ANKRD36: variants seen among roughly 807,000 people sequenced by gnomAD.
ANKRD36 encodes ankyrin repeat domain 36.
In ANKRD36, 179 loss-of-function variants were observed where a neutral mutation model predicts 278.1. The ratio of observed to expected loss-of-function variants is 0.64; its 90% confidence interval spans 0.57 to 0.73. ANKRD36 has a LOEUF of 0.73. ANKRD36 is among the 30% of genes least tolerant of loss of function. ANKRD36 has a pLI of 0.00. For synonymous variants in ANKRD36, 320 were observed against 641.1 expected, an observed-to-expected ratio of 0.50 and a Z score of 7.57; for missense variants, 1,159 against 1,956.7, an observed-to-expected ratio of 0.59 and a Z score of 7.69.
At chr2:97,263,011 C>T (rs1340236615) in intron 75 of ANKRD36, among the ~76,000 whole-genome samples, 1 of 141,770 alleles carries the variant, frequency 7.1e-6, no homozygotes, top group African/African-American at 2.5e-5. Context: ...TTGCTCTTTT[C>T]TGTGTTATTC....
intron 52 of ANKRD36, among the ~76,000 whole-genome samples, chr2:97,207,149 T>G (rs1289695072): frequency 1.3e-5 from 2 of 151,476 alleles, no homozygotes; most frequent in Non-Finnish European, 3.0e-5. Context: ...TTATCCTTTG[T>G]TGCCATGACT....
intron 14 of ANKRD36, among the ~76,000 whole-genome samples, chr2:97,153,415 G>C (rs1272853647): frequency 6.6e-6 from 1 of 152,264 alleles, no homozygotes; most frequent in Non-Finnish European, 1.5e-5. Flanking sequence ...TTTTCCTATA[G>C]ACAAAATCAG....
At position 97,149,326 on chromosome 2, in the gene ANKRD36, C is replaced by G. The variant is rs1480481483; in HGVS notation, c.1066C>G (p.Pro356Ala). ...SLYRPDAVAQ[P>A]VTENEFSLES... Reference sequence around the variant, plus strand: ...CTACAGACCTGATGCTGTTGCACAGCCTGTGACAGAGAATGAGTTTTCTTT... The same window carrying G: ...CTACAGACCTGATGCTGTTGCACAGGCTGTGACAGAGAATGAGTTTTCTTT... Residue 356 changes from proline (P) to alanine (A), a missense_variant, in exon 12 of 76, where the codon CCT (proline) becomes GCT (alanine). Physicochemically the swap from Pro to Ala is conservative, Grantham distance 27. Transcript: ENST00000420699. The G allele has an allele frequency of 2.0e-6, 3 of 1,533,694 alleles. No homozygotes were observed. The highest frequency in any genetic ancestry group is 2.6e-6 in the Non-Finnish European group (3 of 1,145,452).
At chr2:97,205,694 T>G (rs2062651985) in intron 50 of ANKRD36, among the ~76,000 whole-genome samples, 1 of 151,472 alleles carries the variant, frequency 6.6e-6, no homozygotes, top group Non-Finnish European at 1.5e-5. Flanking sequence ...CACGGTTTTA[T>G]TTTAGTTTTC....
intron 11 of ANKRD36, 122 bp from the exon 12 acceptor site, chr2:97,149,173 G>A (rs2045213698): frequency 1.3e-6 from 1 of 749,056 alleles, no homozygotes; most frequent in African/African-American, 1.8e-5. Flanking sequence ...GCAGATAACT[G>A]AGTTTCCTCA....
chr2:97,166,911 A>G (rs2050875376), intron 20 of ANKRD36, among the ~76,000 whole-genome samples: 1 of 152,302 alleles, frequency 6.6e-6, no homozygotes, highest in Non-Finnish European at 1.5e-5. Flanking sequence ...GTTTTAGGGT[A>G]CATGTGCACA....
At chr2:97,189,647 C>T (rs2058101981) in intron 34 of ANKRD36, among the ~76,000 whole-genome samples, 1 of 85,856 alleles carries the variant, frequency 1.2e-5, no homozygotes, top group African/African-American at 2.7e-5. Flanking sequence ...ATTCTACAGA[C>T]GTCACATAGT....
In ANKRD36 at chr2:97,151,906, A is replaced by G; in HGVS notation, c.1129A>G (p.Arg377Gly). The change falls in exon 13 of 76, where the codon AGA (arginine) becomes GGA (glycine). Residue 377 changes from arginine to glycine, a missense_variant. Arg to Gly is a moderately radical substitution (Grantham distance 125). Coordinates refer to ENST00000420699, the MANE Select transcript of ANKRD36 (RefSeq NM_001354587.1). ...EIISKLYIPK[R>G]KIISPRSIKD... ...TATTTCAAAACTATACATCCCAAAG[A>G]GAAAGATTATTTCTCCACGATCTAT... The G allele has an allele frequency of 7.6e-6, 11 of 1,455,378 alleles. No homozygotes were observed. Among genetic ancestry groups the G allele is most frequent in the Non-Finnish European group, 1.0e-5 (11 of 1,074,630 alleles). 90.2% of individuals were successfully genotyped at this position (1,455,378 alleles called of 1,614,324 possible). A position where few individuals can be genotyped will look rare whatever the true frequency, so the allele number is the denominator to read the frequency against.
chr2:97,192,761 G>T (rs2058803254), intron 36 of ANKRD36, 97 bp from the exon 37 acceptor site: 1 of 1,458,802 alleles, frequency 6.9e-7, no homozygotes, highest in Non-Finnish European at 9.5e-7. Context: ...CGCTAATACA[G>T]GCAGGAGAAC....
At chr2:97,195,184 T>C (rs1250243788) in intron 40 of ANKRD36, among the ~76,000 whole-genome samples, 1 of 151,990 alleles carries the variant, frequency 6.6e-6, no homozygotes, top group African/African-American at 2.4e-5. Flanking sequence ...GGGCCCAGCA[T>C]AATTCTGCTT....
chr2:97,152,323 A>G (rs908183327), intron 13 of ANKRD36, among the ~76,000 whole-genome samples, 181 bp from the exon 14 acceptor site: 7 of 148,534 alleles, frequency 4.7e-5, no homozygotes, highest in Non-Finnish European at 9.1e-5. Flanking sequence ...GTTTATAAGG[A>G]TAGAGTCTTG....
At position 97,194,889 on chromosome 2, in the gene ANKRD36, A is replaced by G. The variant is rs533847393; in HGVS notation, c.2523A>G (p.Gly841=). ...ATTCTTTTTCGAATATAACCAGAGG[A>G]AAAAAGGATGGAGAAATATCTAGGA... The part of the protein sequence containing the change: ...EKDSFSNITR[G]KKDGEISRKV... The change falls in exon 40 of 76, where the codon GGA becomes GGG. Residue 841 remains glycine, a synonymous_variant. Transcript: ENST00000420699. The G allele has an allele frequency of 6.4e-6, 10 of 1,565,454 alleles. No homozygotes were observed. Among genetic ancestry groups the G allele is most frequent in the Non-Finnish European group, 8.6e-6 (10 of 1,160,390 alleles).
chr2:97,229,959 A>G (rs2071346108), intron 67 of ANKRD36, among the ~76,000 whole-genome samples: 1 of 152,070 alleles, frequency 6.6e-6, no homozygotes, highest in African/African-American at 2.4e-5. Flanking sequence ...AATGTTGAAT[A>G]TTGGCCCCCA....
chr2:97,188,910 A>C (rs1558611690), intron 32 of ANKRD36, among the ~76,000 whole-genome samples, 177 bp from the exon 33 acceptor site: 1 of 89,758 alleles, frequency 1.1e-5, no homozygotes, highest in South Asian at 2.5e-4. Context: ...TGGAGCCTGT[A>C]TTCCCTTTTA....
In ANKRD36 at chr2:97,189,130, G is replaced by T. The variant is rs60687349; in HGVS notation, c.2172+15G>T. 1 of 757,336 alleles carries T rather than the reference G, an allele frequency of 1.3e-6. No homozygotes were observed. 46.9% of individuals were successfully genotyped at this position (757,336 alleles called of 1,614,324 possible). ...CAGCCTTGAAGGTAATTAAACTCTCGTTTACATTGTGAACTAGTAATTCTA... is the reference window on the plus strand; with the variant it reads ...CAGCCTTGAAGGTAATTAAACTCTCTTTTACATTGTGAACTAGTAATTCTA... On this transcript the variant is annotated intron_variant, in intron 33 of 75. Coordinates refer to ENST00000420699, the MANE Select transcript of ANKRD36 (RefSeq NM_001354587.1).
chr2:97,131,135 C>T (rs2040033438), intron 6 of ANKRD36, among the ~76,000 whole-genome samples: 1 of 151,396 alleles, frequency 6.6e-6, no homozygotes, highest in Admixed American at 6.6e-5. Context: ...TGTTACTTAG[C>T]TGGAATATTT....
chr2:97,190,459 T>C lies in ANKRD36; in HGVS notation c.2246-519T>C, dbSNP rs538172467. On this transcript the variant is annotated intron_variant, in intron 34 of 75. Coordinates refer to ENST00000420699, the MANE Select transcript of ANKRD36 (RefSeq NM_001354587.1). ...AAACAGATATCCAAGGTGATCAATT[T>C]AGGACACTTCCACTGAAGAGATGCG... Among the ~76,000 whole-genome samples the C allele has an allele frequency of 3.0e-4, 46 of 151,454 alleles. 2 individuals carry two copies. In the South Asian group the frequency reaches 7.2e-3, roughly 24 times the overall value.
intron 15 of ANKRD36, 115 bp from the exon 16 acceptor site, chr2:97,157,992 T>C: frequency 1.1e-6 from 1 of 878,616 alleles, no homozygotes; most frequent in Non-Finnish European, 1.7e-6. Context: ...GGTTTGAATC[T>C]ACATATGAGT....
chr2:97,169,914 GA>G lies in ANKRD36; in HGVS notation c.1633+2153del, dbSNP rs201902178. Among the ~76,000 whole-genome samples the G allele has an allele frequency of 4.1e-5, 5 of 120,510 alleles. No individual in the cohort carries two copies. In the East Asian group the frequency reaches 1.0e-3, roughly 25 times the overall value. The allele number at this position is 120,510 out of a possible 152,430, so 79.1% of individuals were successfully genotyped here. A position where few individuals can be genotyped will look rare whatever the true frequency, so the allele number is the denominator to read the frequency against. ...ACCATTGACTTTCTTCACAGAATTA[GA>G]AAAAACTACTGGAAATTTCATATGG... On this transcript the variant is annotated intron_variant, in intron 22 of 75. Transcript: ENST00000420699.
Sources: allele counts gnomAD v4.1 joint callset (sites outside exome capture counted in the v4.1 genomes callset), GRCh38; gene constraint gnomAD v4.1.1; transcripts MANE v1.5; gene names NCBI Gene and HGNC (gene_info 2026-07-23, HGNC 2026-07-21).